The following DIAPH2 variants were observed in gnomAD, a reference collection of about 807,000 sequenced individuals.
DIAPH2 encodes the protein protein diaphanous homolog 2.
Under a neutral mutation model 92.7 loss-of-function variants are expected in DIAPH2, and 35 were observed. The observed-to-expected ratio is 0.38, with a 90% CI of 0.29 to 0.50. DIAPH2 has a LOEUF of 0.50. Ranked by LOEUF, DIAPH2 falls within the 20% of genes least tolerant of loss-of-function variation. The probability of loss-of-function intolerance (pLI) is 0.94; values close to 1 mark genes in which losing one functional copy is unlikely to be tolerated. For synonymous variants in DIAPH2, 301 were observed against 280.4 expected (o/e 1.07, Z -0.73); for missense variants, 701 against 819.5 (o/e 0.86, Z 1.77).
chrX:96,722,983 C>T (rs1044522648), intron 1 of DIAPH2, among the ~76,000 whole-genome samples: 4 of 111,820 alleles, frequency 3.6e-5, no homozygotes, highest in Non-Finnish European at 7.5e-5. Flanking sequence ...CATACAGTCT[C>T]ATTTCTGCAT....
At chrX:96,907,301 C>T (rs2065439736) in intron 5 of DIAPH2, among the ~76,000 whole-genome samples, 2 of 112,000 alleles carry the variant, frequency 1.8e-5, no homozygotes, top group African/African-American at 6.5e-5. Flanking sequence ...ATGCTCAGGA[C>T]TTTACTTATC....
intron 25 of DIAPH2, among the ~76,000 whole-genome samples, chrX:97,414,234 A>G (rs62595836): frequency 0.43 from 47,228 of 110,221 alleles, 7,286 homozygotes; most frequent in East Asian, 0.58. Flanking sequence ...TAACAGAGGC[A>G]TCAGAAATAA....
intron 24 of DIAPH2, among the ~76,000 whole-genome samples, chrX:97,353,316 T>A (rs2069236377): frequency 9.0e-6 from 1 of 111,127 alleles, no homozygotes; most frequent in Non-Finnish European, 1.9e-5. Flanking sequence ...ACCGTATATG[T>A]TTCACCACCA....
chrX:97,313,173 A>T (rs190050996), intron 23 of DIAPH2, among the ~76,000 whole-genome samples: 1 of 110,766 alleles, frequency 9.0e-6, no homozygotes, highest in Admixed American at 9.6e-5. Flanking sequence ...AGACAGAGTG[A>T]GACTCCGTCT....
At chrX:96,699,858 T>G (rs765342622) in intron 1 of DIAPH2, among the ~76,000 whole-genome samples, 1 of 112,180 alleles carries the variant, frequency 8.9e-6, no homozygotes, top group Non-Finnish European at 1.9e-5. Context: ...AACTATACCT[T>G]TTATCACTTA....
rs372079772 is a variant in DIAPH2 at position 97,223,321 on chromosome X, T to G, written c.2720-24394T>G. ...TCCTATCACTATTTGCAGATTCACTTCTAACTCTCCCTAAATTTCAGGCCA... is the reference window on the plus strand; with the variant it reads ...TCCTATCACTATTTGCAGATTCACTGCTAACTCTCCCTAAATTTCAGGCCA... On this transcript the variant is annotated intron_variant, in intron 22 of 26. Coordinates refer to ENST00000324765, the MANE Select transcript of DIAPH2 (RefSeq NM_006729.5). Among the ~76,000 whole-genome samples the G allele has an allele frequency of 3.7e-4, 41 of 111,719 alleles. No individual in the cohort carries two copies. The East Asian group carries it at 8.5e-3, about 23-fold the overall frequency.
chrX:97,334,993 C>CAAAAAAAAA (rs1314227612), intron 23 of DIAPH2, among the ~76,000 whole-genome samples: 16 of 6,635 alleles, frequency 2.4e-3, no homozygotes, highest in African/African-American at 3.9e-3. Flanking sequence ...AAAACAAAAA[C>CAAAAAAAAA]AAAACAAAAA....
chrX:97,282,870 G>A (rs755177981), intron 23 of DIAPH2, among the ~76,000 whole-genome samples: 1 of 111,784 alleles, frequency 8.9e-6, no homozygotes, highest in South Asian at 3.8e-4. Flanking sequence ...ACAAGAAAAA[G>A]ATCATGATTT....
intron 26 of DIAPH2, among the ~76,000 whole-genome samples, chrX:97,506,223 C>G (rs1475468994): frequency 1.2e-5 from 1 of 86,344 alleles, no homozygotes; most frequent in Admixed American, 1.7e-4. Flanking sequence ...CATCTTGGCT[C>G]ACTGCAACCT....
chrX:97,422,030 A>G (rs1402791329), intron 25 of DIAPH2, among the ~76,000 whole-genome samples: 2 of 112,067 alleles, frequency 1.8e-5, no homozygotes, highest in East Asian at 5.6e-4. Context: ...AAACTAATAT[A>G]TGATGATAGA....
At chrX:97,333,227 CTTGTACTTCTTACTGCT>C (rs1347893135) in intron 23 of DIAPH2, among the ~76,000 whole-genome samples, 3 of 111,807 alleles carry the variant, frequency 2.7e-5, no homozygotes, top group Non-Finnish European at 3.8e-5. Context: ...GTCCTTGCTC[CTTGTACTTCTTACTGCT>C]TTGTACTTCT....
At chrX:96,718,687 G>A (rs141906243) in intron 1 of DIAPH2, among the ~76,000 whole-genome samples, 4,086 of 111,068 alleles carry the variant, frequency 0.037, 87 homozygotes, top group Non-Finnish European at 0.057. Context: ...TCTGTTTATG[G>A]ATACTTAGGT....
At chrX:97,185,110 C>A (rs1466642840) in intron 22 of DIAPH2, among the ~76,000 whole-genome samples, 1 of 101,939 alleles carries the variant, frequency 9.8e-6, no homozygotes. Flanking sequence ...GAAACCCTGT[C>A]TCTACTAAAA....
At chrX:97,147,830 C>T (rs1179593978) in intron 22 of DIAPH2, among the ~76,000 whole-genome samples, 1 of 111,302 alleles carries the variant, frequency 9.0e-6, no homozygotes, top group Non-Finnish European at 1.9e-5. Flanking sequence ...GTTTCCATGT[C>T]ATGTTAGTTA....
intron 17 of DIAPH2, among the ~76,000 whole-genome samples, chrX:97,024,502 G>T (rs2066318668): frequency 8.9e-6 from 1 of 111,928 alleles, no homozygotes; most frequent in Non-Finnish European, 1.9e-5. Context: ...CCCTCTTTGT[G>T]TGTGTCAGTG....
chrX:96,968,240 CAG>C (rs1211561386), intron 17 of DIAPH2, among the ~76,000 whole-genome samples: 1 of 110,016 alleles, frequency 9.1e-6, no homozygotes, highest in Non-Finnish European at 1.9e-5. Flanking sequence ...TATTTTGTGA[CAG>C]AGTTTCGCTC....
intron 21 of DIAPH2, among the ~76,000 whole-genome samples, chrX:97,120,754 A>G (rs947453063): frequency 1.8e-5 from 2 of 108,677 alleles, no homozygotes; most frequent in Non-Finnish European, 3.8e-5. Flanking sequence ...TAGAATATCT[A>G]TAACATGTAA....
chrX:97,013,187 T>A (rs767615469), intron 17 of DIAPH2, among the ~76,000 whole-genome samples: 11 of 112,152 alleles, frequency 9.8e-5, no homozygotes, highest in Non-Finnish European at 1.7e-4. Flanking sequence ...TATGGCGTGT[T>A]CACTGACAAC....
chrX:97,276,157 G>C (rs979841030), intron 23 of DIAPH2, among the ~76,000 whole-genome samples: 12 of 109,248 alleles, frequency 1.1e-4, no homozygotes, highest in Admixed American at 9.6e-4. Context: ...CGTGCCTGCA[G>C]TCGCAGGCAC....
Sources: gnomAD v4.1 joint callset for allele counts (sites outside exome capture counted in the v4.1 genomes callset) on GRCh38, gnomAD v4.1.1 for gene constraint, MANE v1.5 for transcripts, NCBI Gene and HGNC (gene_info 2026-07-23, HGNC 2026-07-21) for gene names.